The following ARID4B variants were observed in gnomAD, a reference collection of about 807,000 sequenced individuals.
The protein encoded by ARID4B is AT-rich interaction domain 4B.
Under a neutral mutation model 147.5 loss-of-function variants are expected in ARID4B, and 26 were observed. That is an observed-to-expected ratio of 0.18 (90% CI 0.13 to 0.24). The LOEUF (loss-of-function observed/expected upper bound fraction) is 0.24, where lower values mean the gene tolerates loss of function less well. ARID4B is among the 10% of genes least tolerant of loss of function. ARID4B has a pLI of 1.00. For missense variants in ARID4B, 1,179 were observed against 1,511.5 expected (o/e 0.78, Z 3.65); for synonymous variants, 512 against 507.9 (o/e 1.01, Z -0.11).
At chr1:235,286,060 G>GTTTTTTTTTT (rs59183748) in intron 2 of ARID4B, among the ~76,000 whole-genome samples, 15,876 of 151,194 alleles carry the variant, frequency 0.11, 941 homozygotes, top group Middle Eastern at 0.15. Flanking sequence ...GTTTTGTTTT[G>GTTTTTTTTTT]TTTTGAGATA....
rs148976169 is a variant in ARID4B, at chr1:235,296,835, A to G, written c.6+30079T>C. On this transcript the variant is annotated intron_variant, in intron 2 of 23. Transcript: ENST00000264183. ...GAAGGAAGGAAGGAAGGAAGGAAGG[A>G]AGGGAGGAAGGAGGGAGGGAAGGAA... Among the ~76,000 whole-genome samples, 10 of 19,618 alleles carry G rather than the reference A, an allele frequency of 5.1e-4. 1 individual carries two copies. The highest frequency in any genetic ancestry group is 7.8e-4 in the African/African-American group (7 of 9,010). The allele number at this position is 19,618 out of a possible 152,430, so 12.9% of individuals were successfully genotyped here.
At chr1:235,318,549 C>T (rs1462658670) in intron 2 of ARID4B, among the ~76,000 whole-genome samples, 2 of 152,028 alleles carry the variant, frequency 1.3e-5, no homozygotes, top group African/African-American at 2.4e-5. Context: ...TACAGGATTC[C>T]GTTAACAGAA....
intron 17 of ARID4B, among the ~76,000 whole-genome samples, chr1:235,203,202 AAAAAG>A (rs1339568668): frequency 6.6e-6 from 1 of 152,252 alleles, no homozygotes; most frequent in African/African-American, 2.4e-5. Context: ...TTGGATTTCT[AAAAAG>A]AAAACTTTAT....
At chr1:235,191,425 T>C (rs1571934770) in intron 19 of ARID4B, among the ~76,000 whole-genome samples, 1 of 145,912 alleles carries the variant, frequency 6.9e-6, no homozygotes, top group East Asian at 2.0e-4. Context: ...AGTTTTTGTA[T>C]TTTTTTTTTT....
At chr1:235,243,273 T>G (rs962181392) in intron 7 of ARID4B, among the ~76,000 whole-genome samples, 5 of 152,142 alleles carry the variant, frequency 3.3e-5, no homozygotes, top group African/African-American at 1.2e-4. Flanking sequence ...CACATGAAGC[T>G]CCTTAACTTT....
At chr1:235,287,927 A>T (rs772306859) in intron 2 of ARID4B, among the ~76,000 whole-genome samples, 2 of 152,342 alleles carry the variant, frequency 1.3e-5, no homozygotes, top group Non-Finnish European at 2.9e-5. Flanking sequence ...GGACCTATGT[A>T]CAAAACAATG....
intron 2 of ARID4B, among the ~76,000 whole-genome samples, chr1:235,283,398 G>C (rs995761524): frequency 6.6e-6 from 1 of 152,130 alleles, no homozygotes; most frequent in Non-Finnish European, 1.5e-5. Flanking sequence ...GAAAAAAGAT[G>C]ATTACAAACT....
At chr1:235,285,251 T>C (rs1333515226) in intron 2 of ARID4B, among the ~76,000 whole-genome samples, 2 of 152,178 alleles carry the variant, frequency 1.3e-5, no homozygotes, top group African/African-American at 2.4e-5. Flanking sequence ...CAACAATATG[T>C]TCTAAAAGGT....
chr1:235,176,047 C>G (rs976320572), intron 21 of ARID4B, among the ~76,000 whole-genome samples: 1 of 152,058 alleles, frequency 6.6e-6, no homozygotes, highest in African/African-American at 2.4e-5. Context: ...AATACTTGAC[C>G]TTGACAGCTT....
At chr1:235,277,594 T>TTGTGTGTGTG (rs71576468) in intron 2 of ARID4B, among the ~76,000 whole-genome samples, 16 of 129,572 alleles carry the variant, frequency 1.2e-4, no homozygotes, top group African/African-American at 4.9e-4. Context: ...ATGCCTTATA[T>TTGTGTGTGTG]TGTGTGTGTG....
At chr1:235,199,783 T>C (rs903415037) in intron 17 of ARID4B, among the ~76,000 whole-genome samples, 1 of 152,182 alleles carries the variant, frequency 6.6e-6, no homozygotes, top group African/African-American at 2.4e-5. Context: ...CACAAACATA[T>C]TGGCAGACAA....
Position 235,274,924 on chromosome 1 carries a change from G to A in ARID4B, c.7-14172C>T, listed in dbSNP as rs184910675. Among the ~76,000 whole-genome samples, 46 of 152,160 alleles carry A rather than the reference G, an allele frequency of 3.0e-4. 1 individual carries two copies. The highest frequency in any genetic ancestry group is 2.3e-3 in the Admixed American group (35 of 15,278). On this transcript the variant is annotated intron_variant, in intron 2 of 23. Coordinates refer to ENST00000264183, the MANE Select transcript of ARID4B (RefSeq NM_016374.6). ...TATCTTTGAATTATGATTATCATGT[G>A]CTAAATCAAATGCATACTAAAAACA...
chr1:235,282,175 T>C lies in ARID4B; in HGVS notation c.7-21423A>G, dbSNP rs1435664179. Among the ~76,000 whole-genome samples the C allele has an allele frequency of 6.6e-5, 10 of 152,242 alleles. 1 individual carries two copies. The highest frequency in any genetic ancestry group is 1.5e-4 in the Non-Finnish European group (10 of 68,032). ...CTTCAGGGAGTCCTGGTTAACCTAGTATCACTTGCTCATCCCTTAGCCCTG... is the reference window on the plus strand; with the variant it reads ...CTTCAGGGAGTCCTGGTTAACCTAGCATCACTTGCTCATCCCTTAGCCCTG... On this transcript the variant is annotated intron_variant, in intron 2 of 23. Coordinates refer to ENST00000264183, the MANE Select transcript of ARID4B (RefSeq NM_016374.6).
At chr1:235,178,757 G>A (rs750553853) in intron 20 of ARID4B, among the ~76,000 whole-genome samples, 1 of 151,796 alleles carries the variant, frequency 6.6e-6, no homozygotes, top group Non-Finnish European at 1.5e-5. Flanking sequence ...TCTCCATTCA[G>A]TTCCAATGTC....
In ARID4B at chr1:235,245,379, G is replaced by T. The variant is rs146649927; in HGVS notation, c.446+1041C>A. On this transcript the variant is annotated intron_variant, in intron 7 of 23. Transcript: ENST00000264183. The stretch of plus-strand genomic sequence containing the variant: ...CAGATCATAATTTTTAGTCACATTT[G>T]CAGGTCAATATTACGTGATATTGCA... 5.9e-3 allele frequency among the ~76,000 whole-genome samples: 896 copies of T among 152,096 alleles called. 13 individuals carry two copies. The highest frequency in any genetic ancestry group is 0.021 in the African/African-American group (854 of 41,482).
At chr1:235,168,729 G>A (rs1171597353) in intron 23 of ARID4B, 77 bp from the exon 24 acceptor site, 3 of 1,468,016 alleles carry the variant, frequency 2.0e-6, no homozygotes, top group Non-Finnish European at 2.8e-6. Context: ...CTAGTCCTCT[G>A]AACTAAAATT....
chr1:235,248,085 A>G (rs1669415990), intron 6 of ARID4B, among the ~76,000 whole-genome samples: 1 of 152,134 alleles, frequency 6.6e-6, no homozygotes, highest in Admixed American at 6.5e-5. Context: ...ATGTCACCCT[A>G]TCATTCAGGC....
chr1:235,246,652 A>C (rs1669316617), intron 6 of ARID4B, 141 bp from the exon 7 acceptor site: 1 of 586,220 alleles, frequency 1.7e-6, no homozygotes, highest in African/African-American at 1.9e-5. Context: ...AGCTTTCCTA[A>C]AGATAGAAAA....
At chr1:235,235,640 C>A (rs2103058945) in intron 8 of ARID4B, among the ~76,000 whole-genome samples, 1 of 152,128 alleles carries the variant, frequency 6.6e-6, no homozygotes, top group Non-Finnish European at 1.5e-5. Flanking sequence ...GAGATGAGAT[C>A]ACCGTAAAGA....
Sources: allele counts gnomAD v4.1 joint callset (sites outside exome capture counted in the v4.1 genomes callset), GRCh38; gene constraint gnomAD v4.1.1; transcripts MANE v1.5; gene names NCBI Gene and HGNC (gene_info 2026-07-23, HGNC 2026-07-21).